The following SGCD variants were observed in gnomAD, a reference collection of about 807,000 sequenced individuals.
The protein encoded by SGCD is delta-sarcoglycan.
A neutral mutation model predicts 36.6 loss-of-function variants in SGCD; 18 were observed. The observed-to-expected ratio is 0.49, with a 90% CI of 0.34 to 0.73. The LOEUF (loss-of-function observed/expected upper bound fraction) is 0.73. SGCD is among the 30% of genes least tolerant of loss of function. SGCD has a pLI of 0.01. For missense variants in SGCD, 387 were observed against 346.7 expected (o/e 1.12, Z -0.92); for synonymous variants, 133 against 130.6 (o/e 1.02, Z -0.12).
intron 1 of SGCD, among the ~76,000 whole-genome samples, chr5:156,099,342 C>A (rs1410354190): frequency 2.0e-5 from 3 of 152,094 alleles, no homozygotes; most frequent in Non-Finnish European, 4.4e-5. Context: ...ATTCCTCTAC[C>A]CAAATGCATT....
intron 3 of SGCD, among the ~76,000 whole-genome samples, chr5:156,193,564 G>A (rs1286987633): frequency 1.3e-5 from 2 of 152,218 alleles, no homozygotes; most frequent in East Asian, 3.9e-4. Context: ...ACTCATTAGA[G>A]GACAGCTAGG....
At chr5:156,514,484 AATGG>A (rs770518756) in intron 4 of SGCD, among the ~76,000 whole-genome samples, 35 of 152,354 alleles carry the variant, frequency 2.3e-4, no homozygotes, top group Non-Finnish European at 1.5e-4. Context: ...AGAAAACTTG[AATGG>A]ATCAGAAAAA....
At chr5:156,346,879 G>A (rs1768979715) in intron 3 of SGCD, among the ~76,000 whole-genome samples, 1 of 151,682 alleles carries the variant, frequency 6.6e-6, no homozygotes, top group Non-Finnish European at 1.5e-5. Context: ...CTCACTGCCA[G>A]CTCCACCTCC....
At chr5:155,974,477 C>A (rs1246385653) in intron 1 of SGCD, among the ~76,000 whole-genome samples, 2 of 151,736 alleles carry the variant, frequency 1.3e-5, no homozygotes, top group African/African-American at 4.8e-5. Flanking sequence ...GAAGGGTATT[C>A]CCACAGGTCA....
chr5:155,915,675 G>A (rs1303748613), intron 1 of SGCD, among the ~76,000 whole-genome samples: 1 of 152,118 alleles, frequency 6.6e-6, no homozygotes, highest in Non-Finnish European at 1.5e-5. Context: ...CCCTGAGCAA[G>A]ACTCACATTC....
At chr5:156,084,243 A>T (rs1193129921) in intron 1 of SGCD, among the ~76,000 whole-genome samples, 2 of 152,152 alleles carry the variant, frequency 1.3e-5, no homozygotes, top group East Asian at 3.8e-4. Context: ...ATGTTTTCCT[A>T]TATAGGTACG....
chr5:156,696,256 T>C (rs1406992078), intron 7 of SGCD, among the ~76,000 whole-genome samples: 3 of 152,184 alleles, frequency 2.0e-5, no homozygotes, highest in Non-Finnish European at 4.4e-5. Context: ...CTAGGAACTT[T>C]TCCCATGAAT....
At chr5:156,359,081 T>G (rs929487609) in intron 3 of SGCD, among the ~76,000 whole-genome samples, 1 of 152,208 alleles carries the variant, frequency 6.6e-6, no homozygotes, top group Non-Finnish European at 1.5e-5. Context: ...GACAGTTGGT[T>G]TCTTAAGGAC....
upstream of SGCD, among the ~76,000 whole-genome samples, chr5:156,325,341 A>G (rs1767778732): frequency 6.8e-6 from 1 of 146,594 alleles, no homozygotes. Flanking sequence ...TAGGTTAGAG[A>G]AAAGGTTTGC....
At chr5:156,435,426 T>C (rs1753200442) in intron 3 of SGCD, among the ~76,000 whole-genome samples, 1 of 152,198 alleles carries the variant, frequency 6.6e-6, no homozygotes, top group Admixed American at 6.5e-5. Flanking sequence ...TCTCAAAAGA[T>C]GACAATCTGT....
chr5:156,079,018 TAA>T (rs575699645), intron 1 of SGCD, among the ~76,000 whole-genome samples: 15 of 102,436 alleles, frequency 1.5e-4, no homozygotes, highest in Admixed American at 2.0e-4. Context: ...GGGTAATTTG[TAA>T]AAAAAAAAAA....
chr5:155,930,880 C>T (rs944592464), intron 1 of SGCD, among the ~76,000 whole-genome samples: 1 of 152,182 alleles, frequency 6.6e-6, no homozygotes, highest in Non-Finnish European at 1.5e-5. Context: ...TGAAAGGTCA[C>T]ATTTGAATGG....
intron 4 of SGCD, among the ~76,000 whole-genome samples, chr5:156,579,895 G>A (rs988960962): frequency 6.6e-5 from 10 of 151,976 alleles, no homozygotes; most frequent in African/African-American, 2.4e-4. Flanking sequence ...TTTTAACTGG[G>A]GAATTTAGCC....
chr5:156,036,850 A>G (rs1258916111), intron 1 of SGCD, among the ~76,000 whole-genome samples: 2 of 152,050 alleles, frequency 1.3e-5, no homozygotes, highest in African/African-American at 4.8e-5. Context: ...TTCTCCTTCT[A>G]TGTCATGCTG....
At chr5:156,508,542 A>T in intron 3 of SGCD, 59 bp from the exon 4 acceptor site, 1 of 948,722 alleles carries the variant, frequency 1.1e-6, no homozygotes, top group Non-Finnish European at 1.7e-6. Context: ...TTACAGCCTG[A>T]GGTGTTTTGA....
At chr5:156,227,538 G>T (rs186217351) in intron 3 of SGCD, among the ~76,000 whole-genome samples, 409 of 152,174 alleles carry the variant, frequency 2.7e-3, no homozygotes, top group African/African-American at 9.6e-3. Flanking sequence ...GTAATGTGAT[G>T]CCTCTAGATT....
the SGCD span, among the ~76,000 whole-genome samples, chr5:155,779,484 TTTG>T: frequency 6.6e-6 from 1 of 152,136 alleles, no homozygotes; most frequent in Non-Finnish European, 1.5e-5. Context: ...TGAAATCTAT[TTTG>T]TTGTTGTAAA....
chr5:156,225,727 GAATA>G (rs1282634310), intron 3 of SGCD, among the ~76,000 whole-genome samples: 1 of 151,894 alleles, frequency 6.6e-6, no homozygotes, highest in East Asian at 1.9e-4. Flanking sequence ...GAATAAGAAT[GAATA>G]CTTACTGAAG....
At chr5:156,010,323 T>C (rs772869176) in intron 1 of SGCD, among the ~76,000 whole-genome samples, 15 of 152,228 alleles carry the variant, frequency 9.9e-5, no homozygotes, top group Non-Finnish European at 1.6e-4. Context: ...TTGTGGGTTT[T>C]GACAGATTAA....
Sources: allele counts gnomAD v4.1 joint callset (sites outside exome capture counted in the v4.1 genomes callset), GRCh38; gene constraint gnomAD v4.1.1; transcripts MANE v1.5; gene names NCBI Gene and HGNC (gene_info 2026-07-23, HGNC 2026-07-21).